The following CEMIP variants were observed in gnomAD, a reference collection of about 807,000 sequenced individuals.
CEMIP encodes the protein cell migration-inducing and hyaluronan-binding protein.
In CEMIP, 105 loss-of-function variants were observed where a neutral mutation model predicts 156.9. The ratio of observed to expected loss-of-function variants is 0.67; its 90% confidence interval spans 0.57 to 0.79. The LOEUF is 0.79. CEMIP is among the 30% of genes least tolerant of loss of function. CEMIP has a pLI of 0.00. For missense variants in CEMIP, 1,457 were observed against 1,769.4 expected (o/e 0.82, Z 3.17); for synonymous variants, 676 against 668.4 (o/e 1.01, Z -0.17).
intron 1 of CEMIP, among the ~76,000 whole-genome samples, chr15:80,802,708 A>C (rs1343409189): frequency 6.6e-6 from 1 of 152,226 alleles, no homozygotes; most frequent in East Asian, 1.9e-4. Context: ...TGACATGTTC[A>C]CATGCCTATC....
chr15:80,794,788 A>G (rs930399684), intron 1 of CEMIP, among the ~76,000 whole-genome samples: 2 of 152,220 alleles, frequency 1.3e-5, no homozygotes, highest in African/African-American at 2.4e-5. Flanking sequence ...ATAAAAAAAT[A>G]GATATGAAAA....
intron 1 of CEMIP, among the ~76,000 whole-genome samples, chr15:80,833,910 T>A (rs1417714778): frequency 2.6e-5 from 4 of 152,200 alleles, no homozygotes; most frequent in Admixed American, 6.5e-5. Context: ...CCTCAAGTGA[T>A]CTGCCTGCCT....
chr15:80,891,050 T>C (rs1430955616), intron 10 of CEMIP, among the ~76,000 whole-genome samples: 1 of 152,246 alleles, frequency 6.6e-6, no homozygotes, highest in East Asian at 1.9e-4. Context: ...ACCTTGAATG[T>C]TCCAGCTTTA....
Position 80,922,070 on chromosome 15 carries a change from C to A in CEMIP, c.2135C>A (p.Ser712Tyr). ...VPTGPSVGMY[S>Y]PGYSEHIPLG... ...ACGGGCCCCTCCGTGGGAATGTACT[C>A]CCCAGGTTATTCAGAGCACATTCCA... Residue 712 changes from serine to tyrosine, a missense_variant, in exon 17 of 30, where the codon TCC becomes TAC. Coordinates refer to ENST00000394685, the MANE Select transcript of CEMIP (RefSeq NM_001293298.2). The A allele has an allele frequency of 6.2e-7, 1 of 1,614,122 alleles. No homozygotes were observed. Among genetic ancestry groups the A allele is most frequent in the Non-Finnish European group, 8.5e-7 (1 of 1,179,916 alleles).
intron 1 of CEMIP, among the ~76,000 whole-genome samples, chr15:80,823,579 A>G (rs570387718): frequency 2.8e-4 from 42 of 152,164 alleles, no homozygotes; most frequent in African/African-American, 1.0e-3. Context: ...TAATCCTCAA[A>G]CCACCCACGC....
intron 1 of CEMIP, among the ~76,000 whole-genome samples, chr15:80,864,524 G>A (rs1475786828): frequency 3.9e-5 from 6 of 152,296 alleles, no homozygotes; most frequent in Non-Finnish European, 2.9e-5. Flanking sequence ...CATCCGGGCC[G>A]GCCCGTGTAC....
chr15:80,873,929 T>G lies in CEMIP; in HGVS notation c.50T>G (p.Ile17Ser). 1 of 1,577,552 alleles carries G rather than the reference T, an allele frequency of 6.3e-7. No homozygotes were observed. Among genetic ancestry groups the G allele is most frequent in the Non-Finnish European group, 8.6e-7 (1 of 1,159,782 alleles). Residue 17 changes from isoleucine to serine, a missense_variant, in exon 3 of 30, where the codon ATC becomes AGC. Around this residue, in one of 5 missense-constraint regions of CEMIP, gnomAD observed 309 missense variants for 340.8 expected, o/e 0.91. Coordinates refer to ENST00000394685, the MANE Select transcript of CEMIP (RefSeq NM_001293298.2). ...QDFLFKAMLT[I>S]SWLTLTCFPG... ...TTCCTCTTCAAGGCCATGCTGACCA[T>G]CAGCTGGCTCACTCTGACCTGCTTC...
At chr15:80,786,582 G>GTGTGTA (rs1330115965) in intron 1 of CEMIP, among the ~76,000 whole-genome samples, 2 of 151,706 alleles carry the variant, frequency 1.3e-5, no homozygotes, top group African/African-American at 4.9e-5. Flanking sequence ...GTGTGTGTGT[G>GTGTGTA]TGTGTGTGTG....
Position 80,799,598 on chromosome 15 carries a change from G to A in CEMIP, c.-176+19984G>A, listed in dbSNP as rs886649730. The stretch of plus-strand genomic sequence containing the variant: ...CAAAGGAAAAGAAATCAATATATTA[G>A]TATCAAAGACATACTTGCACTTATA... On this transcript the variant is annotated intron_variant, in intron 1 of 29. Coordinates refer to ENST00000394685, the MANE Select transcript of CEMIP (RefSeq NM_001293298.2). Among the ~76,000 whole-genome samples the A allele has an allele frequency of 1.3e-5, 2 of 152,174 alleles. 1 individual carries two copies. The highest frequency in any genetic ancestry group is 4.1e-4 in the South Asian group (2 of 4,834).
chr15:80,887,384 A>G (rs6495530), intron 7 of CEMIP, among the ~76,000 whole-genome samples: 87,847 of 152,088 alleles, frequency 0.58, 25,812 homozygotes, highest in East Asian at 0.78. Flanking sequence ...CGGGTGGTAT[A>G]GTAGGTCTGT....
chr15:80,913,826 T>C (rs949429269), intron 14 of CEMIP, among the ~76,000 whole-genome samples: 1 of 152,260 alleles, frequency 6.6e-6, no homozygotes, highest in Admixed American at 6.5e-5. Flanking sequence ...CTTCTTTCCC[T>C]GTTTTGGAAA....
rs1031279706 is a variant in CEMIP, at chr15:80,951,357, T to C, written c.*2433T>C. 6.6e-6 allele frequency: 1 copy of C among 152,636 alleles called. No individual in the cohort carries two copies. The highest frequency in any genetic ancestry group is 1.5e-5 in the Non-Finnish European group (1 of 68,044). The allele number at this position is 152,636 out of a possible 1,614,324, so 9.5% of individuals were successfully genotyped here. Reference sequence around the variant, plus strand: ...CTAAACCATTCACCAAGAGCCAATATCTAGGCATTTTCTTGGTAGCACAAA... The same window carrying C: ...CTAAACCATTCACCAAGAGCCAATACCTAGGCATTTTCTTGGTAGCACAAA... On this transcript the variant is annotated 3_prime_UTR_variant, in exon 30 of 30. Transcript: ENST00000394685.
chr15:80,900,229 G>A (rs189589052), intron 12 of CEMIP, among the ~76,000 whole-genome samples: 1 of 152,302 alleles, frequency 6.6e-6, no homozygotes, highest in African/African-American at 2.4e-5. Context: ...GCCTACAGTG[G>A]GGTTGGGGTG....
chr15:80,856,405 G>T (rs1897853574), intron 1 of CEMIP, among the ~76,000 whole-genome samples: 1 of 152,346 alleles, frequency 6.6e-6, no homozygotes. Context: ...TTGATTTCTG[G>T]ATGGATAGAT....
chr15:80,832,322 C>CTCTGTGTGTGTGTG (rs1555429057), intron 1 of CEMIP, among the ~76,000 whole-genome samples: 3,870 of 128,136 alleles, frequency 0.03, 97 homozygotes, highest in Middle Eastern at 0.04. Flanking sequence ...AAAATAAACT[C>CTCTGTGTGTGTGTG]TGTGTGTGTG....
chr15:80,830,579 G>A (rs1897136095), intron 1 of CEMIP, among the ~76,000 whole-genome samples: 1 of 152,170 alleles, frequency 6.6e-6, no homozygotes, highest in Non-Finnish European at 1.5e-5. Flanking sequence ...GCAGGAAAGG[G>A]GCACCTTGGA....
At chr15:80,838,391 C>G (rs1010382222) in intron 1 of CEMIP, among the ~76,000 whole-genome samples, 3 of 152,026 alleles carry the variant, frequency 2.0e-5, no homozygotes, top group Admixed American at 2.0e-4. Flanking sequence ...TTTGGGTTTT[C>G]TGGAAGCTCT....
At chr15:80,848,900 GCACACACA>G (rs3221932) in intron 1 of CEMIP, among the ~76,000 whole-genome samples, 1 of 134,576 alleles carries the variant, frequency 7.4e-6, no homozygotes, top group Non-Finnish European at 1.5e-5. Context: ...GTGTGCGCGT[GCACACACA>G]CACACACACA....
intron 1 of CEMIP, among the ~76,000 whole-genome samples, chr15:80,784,809 C>T (rs537667092): frequency 3.9e-4 from 59 of 152,250 alleles, no homozygotes; most frequent in African/African-American, 1.2e-3. Context: ...TCCCAGGTGA[C>T]GCTGCTGGTG....
Sources: allele counts gnomAD v4.1 joint callset (sites outside exome capture counted in the v4.1 genomes callset), GRCh38; gene constraint gnomAD v4.1.1; regional missense constraint gnomAD v4.1.1; transcripts MANE v1.5; gene names NCBI Gene and HGNC (gene_info 2026-07-23, HGNC 2026-07-21).